The following JPH3 variants were observed in gnomAD, a reference collection of about 807,000 sequenced individuals.
JPH3 encodes the protein junctophilin-3.
In JPH3, 11 loss-of-function variants were observed where a neutral mutation model predicts 59.6. The observed-to-expected ratio is 0.18, with a 90% CI of 0.12 to 0.31. JPH3 has a LOEUF of 0.31. Ranked by LOEUF, JPH3 falls within the 10% of genes least tolerant of loss-of-function variation. The pLI, the probability that JPH3 is intolerant of heterozygous loss-of-function variation, is 1.00. For synonymous variants in JPH3, 673 were observed against 483.6 expected (o/e 1.39, Z -5.14); for missense variants, 1,202 against 1,105.7 (o/e 1.09, Z -1.24).
rs139194141 is a variant in JPH3 at position 87,640,856 on chromosome 16, G to C, written c.383-3402G>C. On this transcript the variant is annotated intron_variant, in intron 1 of 4. Transcript: ENST00000284262. ...GGGCAGTCGCTGAGGGTGCAGTCTT[G>C]GGGTGAGGGTCCCTGTGATGGCAGC... 1.7e-3 allele frequency among the ~76,000 whole-genome samples: 257 copies of C among 152,354 alleles called. 1 individual carries two copies. Among genetic ancestry groups the C allele is most frequent in the Admixed American group, 2.7e-3 (41 of 15,304 alleles).
Position 87,696,703 on chromosome 16 carries a change from G to C in JPH3, c.*43G>C, listed in dbSNP as rs760880505. On this transcript the variant is annotated 3_prime_UTR_variant, in exon 5 of 5. Transcript: ENST00000284262. ...AAAAATAGAGAAAGGGTAGAAAAAA[G>C]GGACATTAAAATTAAAAGCAAAACC... is the stretch of plus-strand genomic sequence containing the variant. The C allele has an allele frequency of 4.6e-6, 7 of 1,519,864 alleles. No individual in the cohort carries two copies. In the Admixed American group the frequency reaches 1.2e-4, roughly 25 times the overall value. The allele number at this position is 1,519,864 out of a possible 1,614,324, so 94.1% of individuals were successfully genotyped here.
intron 2 of JPH3, among the ~76,000 whole-genome samples, chr16:87,674,348 CA>C (rs796224796): frequency 4.6e-5 from 7 of 151,818 alleles, no homozygotes; most frequent in African/African-American, 1.7e-4. Context: ...AAAACAAAAA[CA>C]AAAAAAAGCA....
intron 2 of JPH3, among the ~76,000 whole-genome samples, chr16:87,672,650 G>C (rs937581038): frequency 1.1e-4 from 17 of 151,710 alleles, no homozygotes; most frequent in African/African-American, 4.2e-4. Flanking sequence ...CGGGTGACGA[G>C]GACACAGTCG....
At chr16:87,656,137 A>G (rs2150854894) in intron 2 of JPH3, among the ~76,000 whole-genome samples, 1 of 152,358 alleles carries the variant, frequency 6.6e-6, no homozygotes, top group South Asian at 2.1e-4. Flanking sequence ...GCTGTGAGCC[A>G]GGAGCCCTGA....
chr16:87,660,374 T>C (rs2032661746), intron 2 of JPH3, among the ~76,000 whole-genome samples: 2 of 151,578 alleles, frequency 1.3e-5, no homozygotes, highest in Admixed American at 1.3e-4. Flanking sequence ...TGGGATTGAG[T>C]CCCAGCCCTG....
intron 2 of JPH3, among the ~76,000 whole-genome samples, chr16:87,675,832 C>G (rs143667519): frequency 6.6e-6 from 1 of 152,372 alleles, no homozygotes; most frequent in African/African-American, 2.4e-5. Flanking sequence ...CTATTCCTCA[C>G]CTTTCATACA....
intron 3 of JPH3, among the ~76,000 whole-genome samples, chr16:87,685,104 G>A (rs888262440): frequency 1.3e-5 from 2 of 152,198 alleles, no homozygotes; most frequent in Admixed American, 6.5e-5. Context: ...TGCCACTCTG[G>A]CCACCAGGAC....
At chr16:87,628,708 C>T (rs888370584) in intron 1 of JPH3, among the ~76,000 whole-genome samples, 2 of 152,170 alleles carry the variant, frequency 1.3e-5, no homozygotes, top group African/African-American at 2.4e-5. Context: ...CCCGTGGAAA[C>T]CCCTAGCGTG....
chr16:87,655,175 C>G (rs753860902), intron 2 of JPH3, among the ~76,000 whole-genome samples: 2 of 152,178 alleles, frequency 1.3e-5, no homozygotes, highest in Non-Finnish European at 2.9e-5. Flanking sequence ...CCGAGTCTGC[C>G]GCTGTGGGCT....
intron 2 of JPH3, among the ~76,000 whole-genome samples, chr16:87,674,665 G>T (rs1166776215): frequency 6.6e-6 from 1 of 152,224 alleles, no homozygotes; most frequent in African/African-American, 2.4e-5. Flanking sequence ...TGGGAAGCTG[G>T]ACACATGTGG....
At chr16:87,626,689 C>T (rs542099644) in intron 1 of JPH3, among the ~76,000 whole-genome samples, 1 of 152,384 alleles carries the variant, frequency 6.6e-6, no homozygotes, top group East Asian at 1.9e-4. Flanking sequence ...ATGTCCAGAA[C>T]CCTGACCCTT....
intron 1 of JPH3, among the ~76,000 whole-genome samples, chr16:87,615,042 C>T (rs1018001008): frequency 2.0e-5 from 3 of 151,266 alleles, no homozygotes; most frequent in Admixed American, 6.6e-5. Context: ...CGTCCCCTCC[C>T]GGGATAAACG....
chr16:87,667,111 C>T (rs952354950), intron 2 of JPH3, among the ~76,000 whole-genome samples: 1 of 152,220 alleles, frequency 6.6e-6, no homozygotes, highest in African/African-American at 2.4e-5. Context: ...CTGGGGGCTG[C>T]CGGCCTCCCT....
chr16:87,626,971 T>C (rs1174666447), intron 1 of JPH3, among the ~76,000 whole-genome samples: 1 of 152,138 alleles, frequency 6.6e-6, no homozygotes, highest in Non-Finnish European at 1.5e-5. Flanking sequence ...TGAAGCCCCA[T>C]CTCTATTTAT....
rs2033360271 is a variant in JPH3, at chr16:87,684,124, C to T, written c.1161-18C>T. ...TGTGCCCCCTGCCCCCCCTCACGCTCCTCCCTGTCTCCCCCAGGACCTCCC... is the reference window on the plus strand; with the variant it reads ...TGTGCCCCCTGCCCCCCCTCACGCTTCTCCCTGTCTCCCCCAGGACCTCCC... On this transcript the variant is annotated intron_variant, in intron 2 of 4. Transcript: ENST00000284262. The T allele has an allele frequency of 6.2e-7, 1 of 1,610,774 alleles. No homozygotes were observed. Among genetic ancestry groups the T allele is most frequent in the South Asian group, 1.1e-5 (1 of 90,930 alleles).
intron 2 of JPH3, among the ~76,000 whole-genome samples, chr16:87,675,560 C>T (rs938087120): frequency 3.9e-5 from 6 of 152,198 alleles, no homozygotes; most frequent in Non-Finnish European, 7.3e-5. Context: ...GTGGCACAGC[C>T]GTGCTGTGGG....
At chr16:87,649,633 C>T (rs2032266353) in intron 2 of JPH3, among the ~76,000 whole-genome samples, 1 of 152,184 alleles carries the variant, frequency 6.6e-6, no homozygotes. Flanking sequence ...TCTCACAGCC[C>T]CCTCATCCCC....
intron 1 of JPH3, among the ~76,000 whole-genome samples, chr16:87,609,001 C>T (rs2030632122): frequency 6.6e-6 from 1 of 152,206 alleles, no homozygotes; most frequent in Non-Finnish European, 1.5e-5. Flanking sequence ...GGTGCCACTG[C>T]ACTCCAGCCT....
intron 1 of JPH3, among the ~76,000 whole-genome samples, chr16:87,605,979 T>G (rs2030503882): frequency 6.6e-6 from 1 of 152,222 alleles, no homozygotes; most frequent in Admixed American, 6.5e-5. Context: ...TTGACCCTTC[T>G]GGTCTTGAGG....
Sources: allele counts gnomAD v4.1 joint callset (sites outside exome capture counted in the v4.1 genomes callset), GRCh38; gene constraint gnomAD v4.1.1; transcripts MANE v1.5; gene names NCBI Gene and HGNC (gene_info 2026-07-23, HGNC 2026-07-21).